The following ORC4 variants were observed in gnomAD, a reference collection of about 807,000 sequenced individuals.
ORC4 encodes the protein origin recognition complex subunit 4, also known as origin recognition complex, subunit 4 homolog.
In ORC4, 55 loss-of-function variants were observed where a neutral mutation model predicts 63.9. The ratio of observed to expected loss-of-function variants is 0.86; its 90% confidence interval spans 0.69 to 1.08. ORC4 has a LOEUF of 1.08. Ranked by LOEUF, ORC4 falls within the 50% of genes least tolerant of loss-of-function variation. The probability of loss-of-function intolerance (pLI) is 0.00; values close to 1 mark genes in which losing one functional copy is unlikely to be tolerated. For synonymous variants in ORC4, 150 were observed against 168.5 expected (o/e 0.89, Z 0.85); for missense variants, 511 against 504.4 (o/e 1.01, Z -0.13).
chr2:147,980,178 C>A (rs927151680), intron 1 of ORC4, among the ~76,000 whole-genome samples: 1 of 151,954 alleles, frequency 6.6e-6, no homozygotes, highest in African/African-American at 2.4e-5. Context: ...GTAGTCGCTC[C>A]TCATCAGCAG....
intron 1 of ORC4, among the ~76,000 whole-genome samples, chr2:148,019,465 G>A (rs1693539907): frequency 6.6e-6 from 1 of 152,148 alleles, no homozygotes; most frequent in African/African-American, 2.4e-5. Flanking sequence ...GGTGGCACAT[G>A]CCTGTAGTTT....
intron 1 of ORC4, among the ~76,000 whole-genome samples, chr2:147,997,701 T>C (rs1409415738): frequency 6.6e-6 from 1 of 152,170 alleles, no homozygotes; most frequent in African/African-American, 2.4e-5. Flanking sequence ...TATTAGCATC[T>C]TGGAATTATT....
chr2:147,939,321 G>A, intron 10 of ORC4, 73 bp from the exon 11 acceptor site: 2 of 869,408 alleles, frequency 2.3e-6, no homozygotes, highest in Non-Finnish European at 2.0e-6. Context: ...CAAAACTTCT[G>A]AATTTGTATA....
chr2:147,961,438 G>GA (rs11296909), intron 4 of ORC4, among the ~76,000 whole-genome samples: 53 of 127,376 alleles, frequency 4.2e-4, no homozygotes, highest in African/African-American at 1.2e-3. Context: ...CTCTGTCAAA[G>GA]AAAAAAAAAA....
In ORC4 at chr2:147,955,315, C is replaced by T. The variant is rs773348788; in HGVS notation, c.436+32G>A. On this transcript the variant is annotated intron_variant, in intron 7 of 13. Coordinates refer to ENST00000392857, the MANE Select transcript of ORC4 (RefSeq NM_181741.4). ...GGGAAAAAATAAAGTTAAAACAGAT[C>T]TTCTGAAACGGCTGAATATGTTAAT... 2.0e-6 allele frequency: 3 copies of T among 1,479,286 alleles called. No homozygotes were observed. The South Asian group carries it at 3.5e-5, about 17-fold the overall frequency. The allele number at this position is 1,479,286 out of a possible 1,614,324, so 91.6% of individuals were successfully genotyped here. A position where few individuals can be genotyped will look rare whatever the true frequency, so the allele number is the denominator to read the frequency against.
At chr2:147,938,254 C>A (rs752337960) in intron 12 of ORC4, 41 bp from the exon 13 acceptor site, 11 of 1,591,114 alleles carry the variant, frequency 6.9e-6, no homozygotes, top group African/African-American at 2.7e-5. Context: ...TTCAAATAAG[C>A]AGTGGGGAAG....
At chr2:148,017,678 G>T (rs955923955) in intron 1 of ORC4, among the ~76,000 whole-genome samples, 5 of 151,966 alleles carry the variant, frequency 3.3e-5, no homozygotes, top group Non-Finnish European at 1.5e-5. Flanking sequence ...TCTCCAGGGG[G>T]GAAAAAATCT....
At chr2:148,004,510 T>C (rs748806555) in intron 1 of ORC4, among the ~76,000 whole-genome samples, 3 of 152,102 alleles carry the variant, frequency 2.0e-5, no homozygotes, top group Admixed American at 6.5e-5. Flanking sequence ...CAACAAGCAA[T>C]TGGGAAAGGA....
chr2:148,019,048 T>C (rs1411314044), intron 1 of ORC4, among the ~76,000 whole-genome samples: 1 of 138,812 alleles, frequency 7.2e-6, no homozygotes, highest in East Asian at 2.5e-4. Flanking sequence ...ACTGCCTTGC[T>C]GGTATTTTTT....
At chr2:147,953,440 A>T (rs1225318058) in intron 7 of ORC4, among the ~76,000 whole-genome samples, 2 of 152,192 alleles carry the variant, frequency 1.3e-5, no homozygotes, top group African/African-American at 4.8e-5. Context: ...AATGATTATA[A>T]AATTGACAGA....
chr2:147,948,863 A>G (rs528556279), intron 8 of ORC4, among the ~76,000 whole-genome samples: 39 of 151,578 alleles, frequency 2.6e-4, no homozygotes, highest in Non-Finnish European at 4.4e-4. Flanking sequence ...TAGGCATTCA[A>G]ACTATCCAAG....
At chr2:147,974,593 C>T (rs1040871052) in intron 2 of ORC4, among the ~76,000 whole-genome samples, 1 of 151,168 alleles carries the variant, frequency 6.6e-6, no homozygotes, top group African/African-American at 2.4e-5. Flanking sequence ...CAAGACTGCA[C>T]CACTGCACTC....
intron 1 of ORC4, among the ~76,000 whole-genome samples, chr2:148,013,890 A>T (rs1693115270): frequency 6.6e-6 from 1 of 152,260 alleles, no homozygotes; most frequent in South Asian, 2.1e-4. Flanking sequence ...AATGAATGAA[A>T]TAAAGTAATG....
intron 10 of ORC4, 29 bp from the exon 11 acceptor site, chr2:147,939,277 T>TA (rs1164139010): frequency 7.0e-7 from 1 of 1,418,920 alleles, no homozygotes; most frequent in Non-Finnish European, 1.0e-6. Flanking sequence ...GAAAAACAAT[T>TA]ACGTATTTAC....
At chr2:147,944,364 G>A (rs1688539163) in intron 9 of ORC4, among the ~76,000 whole-genome samples, 1 of 152,038 alleles carries the variant, frequency 6.6e-6, no homozygotes, top group Non-Finnish European at 1.5e-5. Flanking sequence ...GACTGGAAGA[G>A]AATCTAAGAC....
chr2:147,974,599 C>T (rs1474429861), intron 2 of ORC4, among the ~76,000 whole-genome samples: 2 of 150,302 alleles, frequency 1.3e-5, no homozygotes, highest in Non-Finnish European at 3.0e-5. Context: ...TGCACCACTG[C>T]ACTCCAGCTG....
chr2:147,959,673 C>T (rs1357027828), intron 4 of ORC4, among the ~76,000 whole-genome samples: 2 of 151,982 alleles, frequency 1.3e-5, no homozygotes, highest in African/African-American at 4.8e-5. Context: ...AAATATGATC[C>T]TCATTTTAAA....
intron 13 of ORC4, 149 bp from the exon 14 acceptor site, chr2:147,935,847 ACT>A (rs1688022976): frequency 1.5e-6 from 1 of 650,824 alleles, no homozygotes; most frequent in African/African-American, 1.8e-5. Context: ...GATTAAAAAA[ACT>A]CTCACAACCC....
chr2:147,958,872 T>C lies in ORC4; in HGVS notation c.226-6A>G, dbSNP rs778019851. 4 of 1,137,816 alleles carry C rather than the reference T, an allele frequency of 3.5e-6. No individual in the cohort carries two copies. The highest frequency in any genetic ancestry group is 3.4e-5 in the Admixed American group (2 of 58,148). 70.5% of individuals were successfully genotyped at this position (1,137,816 alleles called of 1,614,324 possible). ...TTCAAAGCATGATTTATTAACTAAATATGAAAAGTTTATGAAATAATAATA... is the reference window on the plus strand; with the variant it reads ...TTCAAAGCATGATTTATTAACTAAACATGAAAAGTTTATGAAATAATAATA... On this transcript the variant is annotated splice_region_variant and splice_polypyrimidine_tract_variant and intron_variant, in intron 4 of 13. Transcript: ENST00000392857.
Sources: allele counts gnomAD v4.1 joint callset (sites outside exome capture counted in the v4.1 genomes callset), GRCh38; gene constraint gnomAD v4.1.1; transcripts MANE v1.5; gene names NCBI Gene and HGNC (gene_info 2026-07-23, HGNC 2026-07-21).